ACSM2A: variants seen among roughly 807,000 people sequenced by gnomAD.
ACSM2A encodes acyl-CoA synthetase medium chain family member 2A, also known as acyl-coenzyme A synthetase ACSM2A, mitochondrial.
In ACSM2A, 72 loss-of-function variants were observed where a neutral mutation model predicts 76.6. The observed-to-expected ratio is 0.94, with a 90% confidence interval of 0.78 to 1.14. The LOEUF (loss-of-function observed/expected upper bound fraction) is 1.14. Ranked by LOEUF, ACSM2A falls within the 50% of genes most tolerant of loss-of-function variation. ACSM2A has a pLI of 0.00. For missense variants in ACSM2A, 684 were observed against 708.5 expected (o/e 0.97, Z 0.39); for synonymous variants, 249 against 255.9 (o/e 0.97, Z 0.26).
At chr16:20,475,283 A>G (rs2013665767) in intron 6 of ACSM2A, 79 bp from the exon 7 acceptor site, 1 of 1,608,228 alleles carries the variant, frequency 6.2e-7, no homozygotes, top group African/African-American at 1.3e-5. Context: ...TCCATAGCTC[A>G]CAATTGTAAC....
rs1220356654 is a variant in ACSM2A, at chr16:20,475,382, C to G, written c.915C>G (p.Ile305Met). Residue 305 changes from isoleucine (I) to methionine (M), a missense_variant, in exon 7 of 14, where the codon ATC becomes ATG. This residue lies in a region of ACSM2A where 519 missense variants were observed against 549.5 expected (regional missense o/e 0.94). Transcript: ENST00000573854. ...VILKTLSSYPIKSMMGAPIVY... is the reference protein window; with the variant it reads ...VILKTLSSYPMKSMMGAPIVY... ...TCCAGACACTCTCCAGTTATCCAAT[C>G]AAGAGTATGATGGGTGCCCCCATTG... is the stretch of plus-strand genomic sequence containing the variant. 1 of 1,613,684 alleles carries G rather than the reference C, an allele frequency of 6.2e-7. No individual in the cohort carries two copies. Among genetic ancestry groups the G allele is most frequent in the Non-Finnish European group, 8.5e-7 (1 of 1,179,742 alleles).
At chr16:20,482,259 T>A (rs2014130892) in intron 12 of ACSM2A, 1 of 151,968 alleles carries the variant, frequency 6.6e-6, no homozygotes, top group Non-Finnish European at 1.5e-5. Flanking sequence ...AAGGATTCTA[T>A]CCTGCTGTTT....
rs772999184 is a variant in ACSM2A at position 20,486,753 on chromosome 16, T to C, written c.*75T>C. The stretch of plus-strand genomic sequence containing the variant: ...TCCCTTTGGGCCCTTGGCCTTCCTA[T>C]GATTATATGAGATTCTTTATGGAAG... On this transcript the variant is annotated 3_prime_UTR_variant, in exon 14 of 14. Transcript: ENST00000573854. 5.8e-5 allele frequency: 88 copies of C among 1,519,384 alleles called. No individual in the cohort carries two copies. The highest frequency in any genetic ancestry group is 4.1e-4 in the Admixed American group (23 of 55,950). The allele number at this position is 1,519,384 out of a possible 1,614,324, so 94.1% of individuals were successfully genotyped here.
At chr16:20,475,469 G>C (rs1247409045) in intron 7 of ACSM2A, 28 bp downstream of exon 7, 12 of 1,613,120 alleles carry the variant, frequency 7.4e-6, no homozygotes, top group African/African-American at 1.3e-5. Context: ...ATTGGTAAGA[G>C]AGTCTGGCCC....
At chr16:20,459,501 G>A (rs1438174543) in intron 1 of ACSM2A, among the ~76,000 whole-genome samples, 2 of 152,172 alleles carry the variant, frequency 1.3e-5, no homozygotes, top group East Asian at 1.9e-4. Context: ...GTTGCTAGTG[G>A]CCATGCTAGG....
chr16:20,485,648 G>C (rs2014344046), intron 13 of ACSM2A, among the ~76,000 whole-genome samples: 1 of 152,266 alleles, frequency 6.6e-6, no homozygotes, highest in Admixed American at 6.5e-5. Context: ...TTGCCTGCAG[G>C]CCATAGTTTG....
In ACSM2A at chr16:20,469,721, T is replaced by A; in HGVS notation, c.596+2T>A. 1 of 1,613,726 alleles carries A rather than the reference T, an allele frequency of 6.2e-7. No individual in the cohort carries two copies. Among genetic ancestry groups the A allele is most frequent in the Admixed American group, 1.7e-5 (1 of 59,988 alleles). On this transcript the variant is annotated splice_donor_variant, in intron 4 of 13. Transcript: ENST00000573854. LOFTEE classifies it high-confidence loss of function. Reference sequence around the variant, plus strand: ...GCTGAACTTCAAGAAACTACTAAAGTGAGTATCTACATGTCTCAGCCTGGG... The same window carrying A: ...GCTGAACTTCAAGAAACTACTAAAGAGAGTATCTACATGTCTCAGCCTGGG...
chr16:20,483,766 A>AT (rs1388805034), intron 13 of ACSM2A, among the ~76,000 whole-genome samples: 1 of 151,974 alleles, frequency 6.6e-6, no homozygotes, highest in Non-Finnish European at 1.5e-5. Context: ...GGTTCTTGCT[A>AT]TAGTATTCAG....
At position 20,465,651 on chromosome 16, in the gene ACSM2A, G is replaced by C; in HGVS notation, c.312G>C (p.Gln104His). 6.2e-7 allele frequency: 1 copy of C among 1,614,018 alleles called. No individual in the cohort carries two copies. The highest frequency in any genetic ancestry group is 8.5e-7 in the Non-Finnish European group (1 of 1,179,874). The stretch of plus-strand genomic sequence containing the variant: ...TCCTCTCGGGAGCCTGTGGCCTGCA[G>C]CGTGGGGATCGTGTGGCAGTGGTGC... ...ANVLSGACGL[Q>H]RGDRVAVVLP... The change falls in exon 3 of 14, where the codon CAG becomes CAC. Residue 104 changes from glutamine to histidine, a missense_variant. Coordinates refer to ENST00000573854, the MANE Select transcript of ACSM2A (RefSeq NM_001308172.2).
chr16:20,474,309 C>T (rs1359565944), intron 6 of ACSM2A: 1 of 209,042 alleles, frequency 4.8e-6, no homozygotes, highest in African/African-American at 2.4e-5. Context: ...ATGATTGGGC[C>T]TCATGAGGGA....
At chr16:20,484,034 G>A (rs967607408) in intron 13 of ACSM2A, among the ~76,000 whole-genome samples, 1 of 150,406 alleles carries the variant, frequency 6.6e-6, no homozygotes, top group African/African-American at 2.5e-5. Context: ...AGTAGAAAAT[G>A]AGCATGTTTT....
At chr16:20,467,106 G>A (rs1297794355) in intron 3 of ACSM2A, among the ~76,000 whole-genome samples, 1 of 152,172 alleles carries the variant, frequency 6.6e-6, no homozygotes, top group Non-Finnish European at 1.5e-5. Flanking sequence ...TTCCCTCAGT[G>A]TCATAATTTT....
chr16:20,469,644 G>A lies in ACSM2A; in HGVS notation c.521G>A (p.Cys174Tyr), dbSNP rs779728804. ...GAAGTGGACACAGTGGCATCTGAAT[G>A]TCCTTCTCTGAGAATTAAGCTACTG... ...IQEVDTVASE[C>Y]PSLRIKLLVS... Residue 174 changes from cysteine to tyrosine, a missense_variant, in exon 4 of 14, where the codon TGT becomes TAT. This residue lies in a region of ACSM2A where 519 missense variants were observed against 549.5 expected (regional missense o/e 0.94). Transcript: ENST00000573854. 111 of 1,613,804 alleles carry A rather than the reference G, an allele frequency of 6.9e-5. No homozygotes were observed. The Admixed American group carries it at 1.9e-3, about 27-fold the overall frequency.
chr16:20,466,429 T>C (rs2013000434), intron 3 of ACSM2A, among the ~76,000 whole-genome samples: 1 of 152,112 alleles, frequency 6.6e-6, no homozygotes, highest in Non-Finnish European at 1.5e-5. Flanking sequence ...TGATTTCTTC[T>C]TGTCCACTTC....
At chr16:20,469,868 G>A in intron 4 of ACSM2A, 149 bp downstream of exon 4, 1 of 745,188 alleles carries the variant, frequency 1.3e-6, no homozygotes, top group Non-Finnish European at 1.9e-6. Flanking sequence ...GCTAACACAA[G>A]GGTATTTTTT....
intron 1 of ACSM2A, among the ~76,000 whole-genome samples, chr16:20,455,796 C>A (rs1304688279): frequency 2.7e-5 from 4 of 150,744 alleles, no homozygotes; most frequent in African/African-American, 9.9e-5. Context: ...TAGTACCTGA[C>A]ATCTCAATAC....
At chr16:20,453,375 A>G (rs1046564261) in intron 1 of ACSM2A, 23 of 151,546 alleles carry the variant, frequency 1.5e-4, no homozygotes, top group Admixed American at 6.6e-4. Flanking sequence ...CTTTACTGCA[A>G]TCTCTGAACA....
chr16:20,473,996 T>C (rs2141734787), intron 6 of ACSM2A: 11 of 445,130 alleles, frequency 2.5e-5, no homozygotes, highest in South Asian at 1.8e-4. Flanking sequence ...ACCAGAAAAA[T>C]TTAAATCTAC....
At chr16:20,451,710 T>G (rs895759038) in intron 1 of ACSM2A, 29 bp downstream of exon 1, 4 of 151,328 alleles carry the variant, frequency 2.6e-5, no homozygotes, top group Admixed American at 6.6e-5. Context: ...AATGGGCTGA[T>G]GGGGTCATAA....
Sources: gnomAD v4.1 joint callset for allele counts (sites outside exome capture counted in the v4.1 genomes callset) on GRCh38, gnomAD v4.1.1 for gene constraint, gnomAD v4.1.1 regional missense constraint, MANE v1.5 for transcripts, NCBI Gene and HGNC (gene_info 2026-07-23, HGNC 2026-07-21) for gene names.